PTPRD: variants seen among roughly 807,000 people sequenced by gnomAD.
PTPRD encodes receptor-type tyrosine-protein phosphatase delta.
PTPRD carries 34 observed loss-of-function variants against 214.5 expected under a neutral mutation model. That is an observed-to-expected ratio of 0.16 (90% CI 0.12 to 0.21). The LOEUF (loss-of-function observed/expected upper bound fraction) is 0.21, where lower values mean the gene tolerates loss of function less well. Ranked by LOEUF, PTPRD falls within the 10% of genes least tolerant of loss-of-function variation. The probability of loss-of-function intolerance (pLI) is 1.00; values close to 1 mark genes in which losing one functional copy is unlikely to be tolerated. For missense variants in PTPRD, 2,545 were observed against 2,398.7 expected (o/e 1.06, Z -1.27); for synonymous variants, 1,128 against 845.7 (o/e 1.33, Z -5.79).
At chr9:8,605,036 C>A (rs1427409325) in intron 14 of PTPRD, among the ~76,000 whole-genome samples, 2 of 152,164 alleles carry the variant, frequency 1.3e-5, no homozygotes, top group Non-Finnish European at 2.9e-5. Context: ...AAACTGCCAT[C>A]TTTTAATCTA....
At chr9:9,205,024 C>T (rs2099944007) in intron 9 of PTPRD, among the ~76,000 whole-genome samples, 1 of 151,994 alleles carries the variant, frequency 6.6e-6, no homozygotes, top group Non-Finnish European at 1.5e-5. Context: ...TTGCAGATCT[C>T]TAGGGGTGGC....
chr9:9,257,544 C>A (rs2099978265), intron 9 of PTPRD, among the ~76,000 whole-genome samples: 1 of 151,940 alleles, frequency 6.6e-6, no homozygotes, highest in African/African-American at 2.4e-5. Context: ...ATGATTCCAG[C>A]ACTTTGGAAA....
intron 3 of PTPRD, among the ~76,000 whole-genome samples, chr9:10,172,042 G>A (rs1458958518): frequency 6.6e-6 from 1 of 152,092 alleles, no homozygotes; most frequent in African/African-American, 2.4e-5. Context: ...AGATTGGTTG[G>A]TAAATTTATT....
In PTPRD at chr9:8,340,781, A is replaced by T. The variant is rs1851738588; in HGVS notation, c.5126+309T>A. Among the ~76,000 whole-genome samples the T allele has an allele frequency of 2.0e-5, 3 of 152,210 alleles. No individual in the cohort carries two copies. The South Asian group carries it at 6.2e-4, about 32-fold the overall frequency. ...AAGAAACACTTAGATGTGCAGCTTC[A>T]TTTTCTAGAAATTATTCTCACACAA... On this transcript the variant is annotated intron_variant, in intron 41 of 45. Transcript: ENST00000381196.
intron 24 of PTPRD, among the ~76,000 whole-genome samples, chr9:8,500,548 T>G (rs1385773955): frequency 4.1e-5 from 1 of 24,468 alleles, no homozygotes; most frequent in East Asian, 9.8e-4. Flanking sequence ...GCATTGAGAT[T>G]GAAAAAAATG....
intron 10 of PTPRD, among the ~76,000 whole-genome samples, chr9:9,146,956 G>A (rs555817759): frequency 1.3e-5 from 2 of 152,050 alleles, no homozygotes; most frequent in Non-Finnish European, 2.9e-5. Flanking sequence ...CATTTGACTT[G>A]ACTTTTTAAA....
intron 14 of PTPRD, among the ~76,000 whole-genome samples, chr9:8,598,089 A>T (rs138575745): frequency 2.0e-5 from 3 of 152,192 alleles, no homozygotes; most frequent in African/African-American, 7.2e-5. Context: ...GAAAAGCCTG[A>T]GAGAACATCT....
At chr9:10,203,746 T>G (rs1211000227) in intron 3 of PTPRD, among the ~76,000 whole-genome samples, 4 of 152,326 alleles carry the variant, frequency 2.6e-5, no homozygotes, top group Non-Finnish European at 5.9e-5. Context: ...TGCTTTTGTG[T>G]ATGCCTGTGA....
At position 8,774,931 on chromosome 9, in the gene PTPRD, A is replaced by G. The variant is rs564022544; in HGVS notation, c.-103-40985T>C. On this transcript the variant is annotated intron_variant, in intron 11 of 45. Coordinates refer to ENST00000381196, the MANE Select transcript of PTPRD (RefSeq NM_002839.4). ...TTCATTATATGGTGCCATATTTTCA[A>G]TTGAAAATATAGTGAATATAAAGGA... Among the ~76,000 whole-genome samples, 8 of 152,334 alleles carry G rather than the reference A, an allele frequency of 5.3e-5. No individual in the cohort carries two copies. The South Asian group carries it at 1.4e-3, about 28-fold the overall frequency.
chr9:10,457,271 C>T lies in PTPRD; in HGVS notation c.-599-116254G>A, dbSNP rs530816573. Among the ~76,000 whole-genome samples the T allele has an allele frequency of 4.6e-5, 7 of 151,962 alleles. No individual in the cohort carries two copies. The East Asian group carries it at 1.4e-3, about 29-fold the overall frequency. On this transcript the variant is annotated intron_variant, in intron 2 of 45. Coordinates refer to ENST00000381196, the MANE Select transcript of PTPRD (RefSeq NM_002839.4). ...GTGTATATACCTATAAAATGGCTAC[C>T]TGGATCGGGATATTGAAAGTTTCCT...
At chr9:9,710,544 G>A (rs1183806963) in intron 7 of PTPRD, among the ~76,000 whole-genome samples, 1 of 151,556 alleles carries the variant, frequency 6.6e-6, no homozygotes, top group East Asian at 1.9e-4. Context: ...TGGATTTGAA[G>A]GATTGCTTCT....
At chr9:9,081,893 G>C (rs140059517) in intron 10 of PTPRD, among the ~76,000 whole-genome samples, 16 of 148,568 alleles carry the variant, frequency 1.1e-4, no homozygotes, top group African/African-American at 3.0e-4. Flanking sequence ...GCGTATGTGT[G>C]TCTTTGCACG....
At chr9:8,587,194 A>G (rs901852627) in intron 14 of PTPRD, among the ~76,000 whole-genome samples, 7 of 152,204 alleles carry the variant, frequency 4.6e-5, no homozygotes, top group African/African-American at 1.7e-4. Flanking sequence ...GCCTAGAAAT[A>G]TTAAGAGACC....
At chr9:10,421,644 G>T (rs770996501) in intron 2 of PTPRD, among the ~76,000 whole-genome samples, 10 of 151,922 alleles carry the variant, frequency 6.6e-5, no homozygotes, top group Admixed American at 6.6e-4. Flanking sequence ...TATCAAAAAG[G>T]TATCATTTGA....
intron 2 of PTPRD, among the ~76,000 whole-genome samples, chr9:10,411,539 T>A (rs1179626865): frequency 6.6e-6 from 1 of 151,820 alleles, no homozygotes; most frequent in Non-Finnish European, 1.5e-5. Flanking sequence ...TGTCTTAAAC[T>A]TGGCAGATTC....
At chr9:9,980,069 T>A (rs1003098510) in intron 4 of PTPRD, among the ~76,000 whole-genome samples, 4 of 152,096 alleles carry the variant, frequency 2.6e-5, no homozygotes, top group African/African-American at 9.7e-5. Flanking sequence ...GAGAAAATAT[T>A]TATTAAACAA....
At chr9:9,999,873 T>C (rs2096265793) in intron 4 of PTPRD, among the ~76,000 whole-genome samples, 1 of 152,178 alleles carries the variant, frequency 6.6e-6, no homozygotes, top group Non-Finnish European at 1.5e-5. Flanking sequence ...AAAGAGATTT[T>C]ATATAAGGAA....
chr9:10,184,724 T>A (rs1459230125), intron 3 of PTPRD, among the ~76,000 whole-genome samples: 4 of 152,158 alleles, frequency 2.6e-5, no homozygotes, highest in Non-Finnish European at 5.9e-5. Flanking sequence ...GTTTATAAAA[T>A]AATTAATATG....
intron 11 of PTPRD, among the ~76,000 whole-genome samples, chr9:8,906,813 G>A (rs957398223): frequency 6.6e-6 from 1 of 151,914 alleles, no homozygotes; most frequent in Non-Finnish European, 1.5e-5. Context: ...CGTTTAACAG[G>A]GAGATCCGAA....
Sources: gnomAD v4.1 joint callset for allele counts (sites outside exome capture counted in the v4.1 genomes callset) on GRCh38, gnomAD v4.1.1 for gene constraint, MANE v1.5 for transcripts, NCBI Gene and HGNC (gene_info 2026-07-23, HGNC 2026-07-21) for gene names.